Variants in KCNMB1 observed in about 807,000 individuals in gnomAD.
KCNMB1 encodes potassium calcium-activated channel subfamily M regulatory beta subunit 1.
Under a neutral mutation model 21.7 loss-of-function variants are expected in KCNMB1, and 22 were observed. The observed-to-expected ratio is 1.01, with a 90% CI of 0.72 to 1.45. The LOEUF is 1.45. Among genes scored for constraint, KCNMB1 ranks in the 40% most tolerant of loss-of-function variants. The pLI, the probability that KCNMB1 is intolerant of heterozygous loss-of-function variation, is 0.00. For synonymous variants in KCNMB1, 114 were observed against 107.6 expected (o/e 1.06, Z -0.37); for missense variants, 243 against 243.4 (o/e 1.00, Z 0.01).
In KCNMB1 at chr5:170,375,937, G is replaced by T. The variant is rs921840737; in HGVS notation, c.*2767C>A. The T allele has an allele frequency of 6.6e-6, 1 of 152,182 alleles. No homozygotes were observed. Among genetic ancestry groups the T allele is most frequent in the Non-Finnish European group, 1.5e-5 (1 of 68,042 alleles). 9.4% of individuals were successfully genotyped at this position (152,182 alleles called of 1,614,324 possible). ...CTTGTGAACAGCACAGCTGGAATTT[G>T]AACCCAAACAGTGCACATCCCAAGT... On this transcript the variant is annotated 3_prime_UTR_variant, in exon 4 of 4. Coordinates refer to ENST00000274629, the MANE Select transcript of KCNMB1 (RefSeq NM_004137.4).
chr5:170,383,139 T>G (rs1469381515), intron 3 of KCNMB1: 1 of 168,538 alleles, frequency 5.9e-6, no homozygotes, highest in Non-Finnish European at 1.3e-5. Context: ...AGGGGGAGGG[T>G]GGGATGTTGG....
Position 170,387,527 on chromosome 5 carries a change from C to T in KCNMB1, c.-25+1732G>A, listed in dbSNP as rs577404971. Among the ~76,000 whole-genome samples the T allele has an allele frequency of 3.2e-4, 48 of 152,308 alleles. No homozygotes were observed. The South Asian group carries it at 9.1e-3, about 29-fold the overall frequency. ...GAGCTGGTCCACCTCCCCTATCGATCGGCAGAGGTGACATCCAATGACAAC... is the reference window on the plus strand; with the variant it reads ...GAGCTGGTCCACCTCCCCTATCGATTGGCAGAGGTGACATCCAATGACAAC... On this transcript the variant is annotated intron_variant, in intron 1 of 3. Transcript: ENST00000274629.
rs1383036800 is a variant in KCNMB1 at position 170,374,926 on chromosome 5, G to T, written c.*3778C>A. On this transcript the variant is annotated 3_prime_UTR_variant, in exon 4 of 4. Coordinates refer to ENST00000274629, the MANE Select transcript of KCNMB1 (RefSeq NM_004137.4). ...ATCATTAATAATTTATGGGACAGTG[G>T]GGGTTAGGCATCCTCACATACTAAT... is the stretch of plus-strand genomic sequence containing the variant. The T allele has an allele frequency of 1.3e-5, 2 of 152,100 alleles. No individual in the cohort carries two copies. Among genetic ancestry groups the T allele is most frequent in the African/African-American group, 4.8e-5 (2 of 41,420 alleles). 9.4% of individuals were successfully genotyped at this position (152,100 alleles called of 1,614,324 possible). A position where few individuals can be genotyped will look rare whatever the true frequency, so the allele number is the denominator to read the frequency against.
In KCNMB1 at chr5:170,378,728, C is replaced by G. The variant is rs757101702; in HGVS notation, c.552G>C (p.Leu184=). The G allele has an allele frequency of 6.2e-7, 1 of 1,613,164 alleles. No individual in the cohort carries two copies. The highest frequency in any genetic ancestry group is 2.2e-5 in the East Asian group (1 of 44,888). The change falls in exon 4 of 4, where the codon CTG becomes CTC. Residue 184 remains leucine (L), a synonymous_variant. Transcript: ENST00000274629. ...IIAMVKSNQY[L]SILAAQK is the part of the protein sequence containing the mutation. The stretch of plus-strand genomic sequence containing the variant: ...TCTACTTCTGGGCCGCCAGGATGGA[C>G]AGGTACTGGTTGCTCTTCACCATGG...
intron 3 of KCNMB1, among the ~76,000 whole-genome samples, chr5:170,380,663 T>C (rs1196693155): frequency 6.6e-6 from 1 of 152,240 alleles, no homozygotes. Flanking sequence ...TTCAGAGCTG[T>C]TGGACACTGC....
rs1764430781 is a variant in KCNMB1, at chr5:170,385,468, A to C, written c.-21T>G. The C allele has an allele frequency of 6.2e-7, 1 of 1,614,048 alleles. No homozygotes were observed. Among genetic ancestry groups the C allele is most frequent in the East Asian group, 2.2e-5 (1 of 44,870 alleles). ...ACCATATTCACTGGGGGCAGTGATCATTTCTAGGTCCACAGAAGCAAACAG... is the reference window on the plus strand; with the variant it reads ...ACCATATTCACTGGGGGCAGTGATCCTTTCTAGGTCCACAGAAGCAAACAG... On this transcript the variant is annotated 5_prime_UTR_variant, in exon 2 of 4. It removes an upstream start codon present in the reference 5' UTR. Coordinates refer to ENST00000274629, the MANE Select transcript of KCNMB1 (RefSeq NM_004137.4).
chr5:170,377,916 A>G lies in KCNMB1; in HGVS notation c.*788T>C, dbSNP rs57521796. ...GTGTGTTCTGAATGGCCTGTCTCTG[A>G]CTGGAACCCAACTCCGTCCCCAGAC... On this transcript the variant is annotated 3_prime_UTR_variant, in exon 4 of 4. Transcript: ENST00000274629. The G allele has an allele frequency of 0.18, 26,650 of 152,014 alleles. 2,648 individuals carry two copies. Among genetic ancestry groups the G allele is most frequent in the South Asian group, 0.29 (1,409 of 4,814 alleles). The allele number at this position is 152,014 out of a possible 1,614,324, so 9.4% of individuals were successfully genotyped here.
Position 170,378,719 on chromosome 5 carries a change from C to T in KCNMB1, c.561G>A (p.Leu187=), listed in dbSNP as rs1561592853. The T allele has an allele frequency of 1.1e-5, 17 of 1,611,550 alleles. No homozygotes were observed. The highest frequency in any genetic ancestry group is 1.4e-5 in the Non-Finnish European group (17 of 1,178,908). Residue 187 remains leucine (L), a synonymous_variant, in exon 4 of 4, where the codon CTG becomes CTA. Coordinates refer to ENST00000274629, the MANE Select transcript of KCNMB1 (RefSeq NM_004137.4). ...MVKSNQYLSI[L]AAQK Reference sequence around the variant, plus strand: ...ATGGATGGCTCTACTTCTGGGCCGCCAGGATGGACAGGTACTGGTTGCTCT... The same window carrying T: ...ATGGATGGCTCTACTTCTGGGCCGCTAGGATGGACAGGTACTGGTTGCTCT...
At chr5:170,384,537 C>T (rs1429712737) in intron 2 of KCNMB1, among the ~76,000 whole-genome samples, 1 of 152,164 alleles carries the variant, frequency 6.6e-6, no homozygotes, top group Non-Finnish European at 1.5e-5. Context: ...CTAACAGGTT[C>T]ATCAACATAT....
At chr5:170,384,725 C>T (rs569844877) in intron 2 of KCNMB1, among the ~76,000 whole-genome samples, 46 of 152,306 alleles carry the variant, frequency 3.0e-4, no homozygotes, top group African/African-American at 1.1e-3. Context: ...GAATTCACAG[C>T]TTTTCCTTAA....
Sources: gnomAD v4.1 joint callset for allele counts (sites outside exome capture counted in the v4.1 genomes callset) on GRCh38, gnomAD v4.1.1 for gene constraint, MANE v1.5 for transcripts, NCBI Gene and HGNC (gene_info 2026-07-23, HGNC 2026-07-21) for gene names.